Variants in ADAMTS18 observed in about 807,000 individuals in gnomAD.
ADAMTS18 encodes ADAM metallopeptidase with thrombospondin type 1 motif 18.
Under a neutral mutation model 165.9 loss-of-function variants are expected in ADAMTS18, and 157 were observed. That is an observed-to-expected ratio of 0.95 (90% CI 0.83 to 1.08). The LOEUF (loss-of-function observed/expected upper bound fraction) is 1.08. ADAMTS18 is among the 50% of genes least tolerant of loss of function. The pLI, the probability that ADAMTS18 is intolerant of heterozygous loss-of-function variation, is 0.00. For synonymous variants in ADAMTS18, 782 were observed against 578.2 expected (o/e 1.35, Z -5.06); for missense variants, 2,040 against 1,534.0 (o/e 1.33, Z -5.51).
At chr16:77,325,692 C>A (rs1354109793) in intron 13 of ADAMTS18, among the ~76,000 whole-genome samples, 174 bp downstream of exon 13, 5 of 144,566 alleles carry the variant, frequency 3.5e-5, no homozygotes, top group African/African-American at 1.0e-4. Context: ...AAAAAAAAAA[C>A]AACAGTGGAA....
intron 3 of ADAMTS18, among the ~76,000 whole-genome samples, chr16:77,393,245 C>T (rs950082238): frequency 3.9e-5 from 6 of 152,128 alleles, no homozygotes; most frequent in African/African-American, 1.4e-4. Context: ...GGGTACAACT[C>T]GAAGTTCAGG....
chr16:77,305,133 A>G (rs1047667365), intron 16 of ADAMTS18, among the ~76,000 whole-genome samples: 3 of 152,160 alleles, frequency 2.0e-5, no homozygotes, highest in Admixed American at 6.5e-5. Flanking sequence ...ACAAATATAT[A>G]AAAGATAAGT....
Position 77,409,446 on chromosome 16 carries a change from G to A in ADAMTS18, c.495+21849C>T, listed in dbSNP as rs921549764. On this transcript the variant is annotated intron_variant, in intron 3 of 22. Coordinates refer to ENST00000282849, the MANE Select transcript of ADAMTS18 (RefSeq NM_199355.4). ...ACTGGGGACTGGCTTATTCCACAGA[G>A]AATAACAAAAAACTGTTCTCCTAAG... is the stretch of plus-strand genomic sequence containing the variant. Among the ~76,000 whole-genome samples, 3 of 152,106 alleles carry A rather than the reference G, an allele frequency of 2.0e-5. No individual in the cohort carries two copies. The South Asian group carries it at 6.2e-4, about 32-fold the overall frequency.
At chr16:77,292,744 A>G (rs375921376) in intron 20 of ADAMTS18, among the ~76,000 whole-genome samples, 6 of 152,326 alleles carry the variant, frequency 3.9e-5, no homozygotes, top group African/African-American at 1.4e-4. Flanking sequence ...GGCATTTGGT[A>G]TCAATGTGTG....
At chr16:77,343,263 G>A (rs190239279) in intron 10 of ADAMTS18, among the ~76,000 whole-genome samples, 11 of 152,166 alleles carry the variant, frequency 7.2e-5, no homozygotes, top group Admixed American at 5.9e-4. Context: ...TAGTAGAGAC[G>A]TGGTTTCACC....
intron 11 of ADAMTS18, among the ~76,000 whole-genome samples, chr16:77,337,636 A>C (rs982053090): frequency 3.3e-5 from 5 of 152,162 alleles, no homozygotes; most frequent in Non-Finnish European, 7.3e-5. Flanking sequence ...CCTTAATTCT[A>C]ATCTAATTTC....
Position 77,431,746 on chromosome 16 carries a change from T to C in ADAMTS18, c.179-135A>G, listed in dbSNP as rs989425146. 1.1e-4 allele frequency: 101 copies of C among 945,848 alleles called. 1 individual carries two copies. Among genetic ancestry groups the C allele is most frequent in the Non-Finnish European group, 1.5e-4 (90 of 590,508 alleles). The allele number at this position is 945,848 out of a possible 1,614,324, so 58.6% of individuals were successfully genotyped here. A position where few individuals can be genotyped will look rare whatever the true frequency, so the allele number is the denominator to read the frequency against. Reference sequence around the variant, plus strand: ...TATTGCCTTGCACCTAGATCAAATATAATTCAGAGCAGCACAGGCAGCAGA... The same window carrying C: ...TATTGCCTTGCACCTAGATCAAATACAATTCAGAGCAGCACAGGCAGCAGA... On this transcript the variant is annotated intron_variant, in intron 2 of 22. Coordinates refer to ENST00000282849, the MANE Select transcript of ADAMTS18 (RefSeq NM_199355.4).
At position 77,364,319 on chromosome 16, in the gene ADAMTS18, G is replaced by A. The variant is rs753594057; in HGVS notation, c.841C>T (p.Arg281Ter). 4 of 1,613,812 alleles carry A rather than the reference G, an allele frequency of 2.5e-6. No homozygotes were observed. Among genetic ancestry groups the A allele is most frequent in the East Asian group, 2.2e-5 (1 of 44,862 alleles). ...LRFDEYGSSG[R>*]PRRSAGKSQK... ...GATTTTCCAGCTGATCTTCTGGGTC[G>A]CCCAGAGCTCCCATATTCATCAAAC... Residue 281 changes from arginine to a stop codon, truncating the protein, a stop_gained, in exon 5 of 23, where the codon CGA becomes TGA. Transcript: ENST00000282849. LOFTEE classifies it high-confidence loss of function.
intron 3 of ADAMTS18, among the ~76,000 whole-genome samples, chr16:77,372,903 A>C (rs1296583110): frequency 2.0e-5 from 3 of 151,976 alleles, no homozygotes; most frequent in African/African-American, 7.2e-5. Flanking sequence ...TCTTCCATTC[A>C]CTCTGGTATT....
At chr16:77,302,002 T>C (rs1036327650) in intron 16 of ADAMTS18, among the ~76,000 whole-genome samples, 3 of 100,884 alleles carry the variant, frequency 3.0e-5, no homozygotes, top group African/African-American at 9.7e-5. Context: ...TTCTAGTCTT[T>C]GCTTTTTTTT....
At chr16:77,409,409 A>C (rs1187847544) in intron 3 of ADAMTS18, among the ~76,000 whole-genome samples, 2 of 152,314 alleles carry the variant, frequency 1.3e-5, no homozygotes, top group Middle Eastern at 3.4e-3. Context: ...TTAGTGTCAA[A>C]AGTAGCATTT....
At chr16:77,427,134 A>C (rs1400636443) in intron 3 of ADAMTS18, among the ~76,000 whole-genome samples, 2 of 152,216 alleles carry the variant, frequency 1.3e-5, no homozygotes, top group Non-Finnish European at 2.9e-5. Context: ...TGGAGAATTA[A>C]AAATACACCT....
chr16:77,414,587 TG>T (rs1205872556), intron 3 of ADAMTS18, among the ~76,000 whole-genome samples: 4 of 152,198 alleles, frequency 2.6e-5, no homozygotes, highest in African/African-American at 9.7e-5. Flanking sequence ...ATATTTCTAC[TG>T]TACAGCGCTA....
At chr16:77,378,747 G>T (rs1206527113) in intron 3 of ADAMTS18, 1 of 151,832 alleles carries the variant, frequency 6.6e-6, no homozygotes, top group African/African-American at 2.4e-5. Context: ...AAATAAAAGT[G>T]CTAAAAATAG....
In ADAMTS18 at chr16:77,376,809, CTTTTT is replaced by C. The variant is rs549942617; in HGVS notation, c.496-9091_496-9087del. ...TTAGATTTCAAGGGCCTAAATCATT[CTTTTT>C]TTTTTTTTTTTTTTTTTTGAGACAG... On this transcript the variant is annotated intron_variant, in intron 3 of 22. Coordinates refer to ENST00000282849, the MANE Select transcript of ADAMTS18 (RefSeq NM_199355.4). Among the ~76,000 whole-genome samples the C allele has an allele frequency of 5.4e-3, 555 of 103,484 alleles. 1 individual carries two copies. The highest frequency in any genetic ancestry group is 0.018 in the African/African-American group (494 of 26,912). 67.9% of individuals were successfully genotyped at this position (103,484 alleles called of 152,430 possible). A position where few individuals can be genotyped will look rare whatever the true frequency, so the allele number is the denominator to read the frequency against.
intron 7 of ADAMTS18, among the ~76,000 whole-genome samples, chr16:77,360,601 A>G (rs900399927): frequency 6.6e-6 from 1 of 152,322 alleles, no homozygotes; most frequent in East Asian, 1.9e-4. Context: ...CTGGATTATC[A>G]TATGTCACTT....
At position 77,322,507 on chromosome 16, in the gene ADAMTS18, A is replaced by G. The variant is rs755944871; in HGVS notation, c.2033-41T>C. The G allele has an allele frequency of 8.1e-6, 13 of 1,608,288 alleles. No homozygotes were observed. The South Asian group carries it at 1.3e-4, about 16-fold the overall frequency. On this transcript the variant is annotated intron_variant, in intron 13 of 22. Transcript: ENST00000282849. ...TCAAGATAGGAAATGGTCAAGAGGA[A>G]ACTAAGGAAAAATGATAGGATTGTC...
In ADAMTS18 at chr16:77,358,395, G is replaced by A. The variant is rs139101346; in HGVS notation, c.1322+923C>T. On this transcript the variant is annotated intron_variant, in intron 8 of 22. Coordinates refer to ENST00000282849, the MANE Select transcript of ADAMTS18 (RefSeq NM_199355.4). ...TGACCAACATGGTGAAACCTCATCT[G>A]TACTAAAACTATAAAAATTAGCCAG... Among the ~76,000 whole-genome samples, 592 of 152,156 alleles carry A rather than the reference G, an allele frequency of 3.9e-3. 12 individuals are homozygous for A. Among genetic ancestry groups the A allele is most frequent in the Admixed American group, 0.032 (493 of 15,276 alleles).
chr16:77,361,308 A>C (rs937584), intron 7 of ADAMTS18, among the ~76,000 whole-genome samples: 81,357 of 151,918 alleles, frequency 0.54, 22,297 homozygotes, highest in Non-Finnish European at 0.59. Context: ...AAAATGTTGA[A>C]TTCCTATTAT....
Sources: allele counts gnomAD v4.1 joint callset (sites outside exome capture counted in the v4.1 genomes callset), GRCh38; gene constraint gnomAD v4.1.1; transcripts MANE v1.5; gene names NCBI Gene and HGNC (gene_info 2026-07-23, HGNC 2026-07-21).